The following TENM4 variants were observed in gnomAD, a reference collection of about 807,000 sequenced individuals.
The protein encoded by TENM4 is teneurin-4.
TENM4 carries 82 observed loss-of-function variants against 243.3 expected under a neutral mutation model. That is an observed-to-expected ratio of 0.34 (90% CI 0.28 to 0.40). TENM4 has a LOEUF of 0.40. Ranked by LOEUF, TENM4 falls within the 10% of genes least tolerant of loss-of-function variation. The pLI, the probability that TENM4 is intolerant of heterozygous loss-of-function variation, is 1.00. For synonymous variants in TENM4, 1,412 were observed against 1,456.3 expected (o/e 0.97, Z 0.69); for missense variants, 3,138 against 3,673.3 (o/e 0.85, Z 3.77).
chr11:78,892,858 T>C (rs983789245), intron 7 of TENM4, among the ~76,000 whole-genome samples: 1 of 152,126 alleles, frequency 6.6e-6, no homozygotes, highest in African/African-American at 2.4e-5. Context: ...GAGCCTGGGG[T>C]TATCTGACCC....
intron 1 of TENM4, among the ~76,000 whole-genome samples, chr11:79,426,351 G>A (rs951520915): frequency 6.6e-6 from 1 of 152,114 alleles, no homozygotes; most frequent in African/African-American, 2.4e-5. Context: ...ATGTCTGTAG[G>A]GGACCCTGGC....
intron 1 of TENM4, among the ~76,000 whole-genome samples, chr11:79,305,728 T>C (rs1856615760): frequency 6.6e-6 from 1 of 152,184 alleles, no homozygotes; most frequent in Admixed American, 6.5e-5. Flanking sequence ...AGATTTGTCC[T>C]TGAGATAATC....
chr11:78,833,624 T>A (rs1565398621), intron 12 of TENM4, among the ~76,000 whole-genome samples: 1 of 152,222 alleles, frequency 6.6e-6, no homozygotes, highest in Non-Finnish European at 1.5e-5. Flanking sequence ...TAAGCATTCA[T>A]CATTTGTGAC....
At chr11:79,304,345 T>C (rs973746384) in intron 1 of TENM4, among the ~76,000 whole-genome samples, 1 of 152,246 alleles carries the variant, frequency 6.6e-6, no homozygotes, top group Non-Finnish European at 1.5e-5. Context: ...GTATCTACTC[T>C]TGAGGTGCGA....
chr11:78,867,674 T>C (rs1591084008), intron 9 of TENM4, among the ~76,000 whole-genome samples: 1 of 152,206 alleles, frequency 6.6e-6, no homozygotes, highest in Admixed American at 6.5e-5. Context: ...GCACACTACA[T>C]GCCAAGTGCT....
At chr11:79,236,973 A>C (rs1384279662) in intron 2 of TENM4, among the ~76,000 whole-genome samples, 1 of 152,104 alleles carries the variant, frequency 6.6e-6, no homozygotes, top group Non-Finnish European at 1.5e-5. Flanking sequence ...CCGTTAAAGG[A>C]GCCCTATGCC....
chr11:78,733,650 T>C (rs1253510191), intron 20 of TENM4, among the ~76,000 whole-genome samples: 2 of 152,192 alleles, frequency 1.3e-5, no homozygotes, highest in Non-Finnish European at 2.9e-5. Flanking sequence ...TTTTTGAACA[T>C]TGAAGAAAAC....
intron 19 of TENM4, among the ~76,000 whole-genome samples, chr11:78,746,832 T>C (rs1856062777): frequency 6.6e-6 from 1 of 152,194 alleles, no homozygotes; most frequent in Non-Finnish European, 1.5e-5. Context: ...TTTCAGGTGA[T>C]GGTTTGTGCT....
chr11:78,772,202 A>C, intron 17 of TENM4, among the ~76,000 whole-genome samples: 1 of 152,192 alleles, frequency 6.6e-6, no homozygotes, highest in East Asian at 1.9e-4. Flanking sequence ...CTATTAAAGT[A>C]GATTTGCAGG....
chr11:79,052,704 T>C (rs1319579258), intron 6 of TENM4, among the ~76,000 whole-genome samples: 2 of 152,182 alleles, frequency 1.3e-5, no homozygotes, highest in African/African-American at 4.8e-5. Flanking sequence ...TTTCAGTCTC[T>C]TGGGGTCGCC....
chr11:79,164,260 T>TAC (rs1862848248), intron 3 of TENM4, among the ~76,000 whole-genome samples: 2 of 107,836 alleles, frequency 1.9e-5, no homozygotes, highest in Admixed American at 9.5e-5. Context: ...ATATAGTATA[T>TAC]AGATATACTA....
At chr11:79,122,158 C>A (rs913064464) in intron 4 of TENM4, among the ~76,000 whole-genome samples, 1 of 152,100 alleles carries the variant, frequency 6.6e-6, no homozygotes, top group African/African-American at 2.4e-5. Context: ...CTTGAGGTTC[C>A]TCTAGGGAAT....
At chr11:78,932,208 C>T (rs1856683705) in intron 6 of TENM4, among the ~76,000 whole-genome samples, 1 of 152,162 alleles carries the variant, frequency 6.6e-6, no homozygotes, top group Non-Finnish European at 1.5e-5. Flanking sequence ...TGTCAAAGTC[C>T]CAGATCTTTG....
chr11:78,825,958 A>C (rs1458997506), intron 12 of TENM4, among the ~76,000 whole-genome samples: 1 of 152,176 alleles, frequency 6.6e-6, no homozygotes, highest in East Asian at 1.9e-4. Context: ...GCAGGAAAAG[A>C]AACAGGTTCT....
intron 2 of TENM4, among the ~76,000 whole-genome samples, chr11:79,231,826 T>A (rs1367425551): frequency 6.6e-6 from 1 of 152,166 alleles, no homozygotes; most frequent in African/African-American, 2.4e-5. Flanking sequence ...TGCCTCATAA[T>A]CCCAGCACTT....
At chr11:79,140,649 G>A (rs1376718604) in intron 4 of TENM4, among the ~76,000 whole-genome samples, 1 of 152,156 alleles carries the variant, frequency 6.6e-6, no homozygotes, top group Admixed American at 6.6e-5. Flanking sequence ...CACCACAGAA[G>A]AAGTCTGCTT....
At chr11:78,938,898 AC>A (rs1856836891) in intron 6 of TENM4, among the ~76,000 whole-genome samples, 1 of 152,238 alleles carries the variant, frequency 6.6e-6, no homozygotes, top group Non-Finnish European at 1.5e-5. Flanking sequence ...CTTTGTTCTT[AC>A]AGCAAAAACA....
chr11:79,043,294 T>C (rs570750254), intron 6 of TENM4, among the ~76,000 whole-genome samples: 1 of 152,284 alleles, frequency 6.6e-6, no homozygotes, highest in African/African-American at 2.4e-5. Flanking sequence ...GGGTACTCAT[T>C]GTGTCTGGTT....
rs1857941940 is a variant in TENM4, at chr11:78,658,183, G to A, written c.8185C>T (p.Leu2729=). The A allele has an allele frequency of 6.2e-7, 1 of 1,614,018 alleles. No homozygotes were observed. Among genetic ancestry groups the A allele is most frequent in the Non-Finnish European group, 8.5e-7 (1 of 1,179,896 alleles). The change falls in exon 34 of 34, where the codon CTG becomes TTG. Residue 2729 remains leucine, a synonymous_variant. Transcript: ENST00000278550. The stretch of plus-strand genomic sequence containing the variant: ...TAGCCTTGCACCCGCCCTGTGCTCA[G>A]CACCTGCTGCTTCTCCCCCTCTGTC... ...AWTEGEKQQV[L]STGRVQGYDG... is the part of the protein sequence containing the mutation.
Sources: gnomAD v4.1 joint callset for allele counts (sites outside exome capture counted in the v4.1 genomes callset) on GRCh38, gnomAD v4.1.1 for gene constraint, MANE v1.5 for transcripts, NCBI Gene and HGNC (gene_info 2026-07-23, HGNC 2026-07-21) for gene names.